Variants in MYO18A observed in about 807,000 individuals in gnomAD.
MYO18A encodes the protein myosin XVIIIA, also known as unconventional myosin-XVIIIa.
MYO18A carries 78 observed loss-of-function variants against 235.8 expected under a neutral mutation model. The observed-to-expected ratio is 0.33, with a 90% CI of 0.28 to 0.40. MYO18A has a LOEUF of 0.40. Ranked by LOEUF, MYO18A falls within the 10% of genes least tolerant of loss-of-function variation. The pLI is 1.00. For synonymous variants in MYO18A, 977 were observed against 1,077.8 expected (o/e 0.91, Z 1.83); for missense variants, 2,215 against 2,699.3 (o/e 0.82, Z 3.98).
intron 18 of MYO18A, 27 bp downstream of exon 18, chr17:29,110,409 G>C (rs774121071): frequency 1.3e-6 from 2 of 1,554,216 alleles, no homozygotes; most frequent in Admixed American, 1.9e-5. Context: ...CCCCAGGCCT[G>C]CCTGCTGGGA....
intron 2 of MYO18A, chr17:29,137,094 G>C (rs1297291343): frequency 6.6e-6 from 1 of 152,174 alleles, no homozygotes; most frequent in Non-Finnish European, 1.5e-5. Context: ...TCTAGATAAG[G>C]AAATAAAGAA....
intron 1 of MYO18A, among the ~76,000 whole-genome samples, chr17:29,174,276 C>G (rs1340149632): frequency 6.6e-6 from 1 of 151,692 alleles, no homozygotes; most frequent in South Asian, 2.1e-4. Flanking sequence ...GAGGCCAAGG[C>G]GGGAGGACTG....
rs1490420047 is a variant in MYO18A, at chr17:29,071,212, A to G, written c.*3558T>C. 6.6e-6 allele frequency: 1 copy of G among 152,244 alleles called. No individual in the cohort carries two copies. The highest frequency in any genetic ancestry group is 2.4e-5 in the African/African-American group (1 of 41,448). 9.4% of individuals were successfully genotyped at this position (152,244 alleles called of 1,614,324 possible). On this transcript the variant is annotated 3_prime_UTR_variant, in exon 42 of 42. Coordinates refer to ENST00000527372, the MANE Select transcript of MYO18A (RefSeq NM_078471.4). ...GGGGCACTGGTTCCCGCCCATGCTT[A>G]TTCAGGAGTCAGAGCAATCCCGGGG... is the stretch of plus-strand genomic sequence containing the variant.
chr17:29,141,804 A>G (rs1415839746), intron 2 of MYO18A, among the ~76,000 whole-genome samples: 1 of 152,238 alleles, frequency 6.6e-6, no homozygotes, highest in East Asian at 1.9e-4. Context: ...GTGGCTACTT[A>G]GAACAATGGT....
At chr17:29,097,157 C>G in intron 27 of MYO18A, 66 bp downstream of exon 27, 1 of 1,584,264 alleles carries the variant, frequency 6.3e-7, no homozygotes, top group Non-Finnish European at 8.5e-7. Flanking sequence ...TTCACTGGAC[C>G]GACACAAGGC....
intron 41 of MYO18A, chr17:29,076,421 G>A (rs1438228126): frequency 6.6e-6 from 1 of 151,972 alleles, no homozygotes; most frequent in Non-Finnish European, 1.5e-5. Context: ...AGAAAGGTCG[G>A]TCTCTATCCC....
At chr17:29,161,910 C>G (rs2068182922) in intron 2 of MYO18A, among the ~76,000 whole-genome samples, 1 of 152,236 alleles carries the variant, frequency 6.6e-6, no homozygotes, top group Non-Finnish European at 1.5e-5. Context: ...AACACTTGGC[C>G]TTCAGCAAAC....
intron 37 of MYO18A, 150 bp from the exon 38 acceptor site, chr17:29,087,271 C>T: frequency 3.9e-6 from 3 of 759,924 alleles, no homozygotes; most frequent in Non-Finnish European, 6.4e-6. Flanking sequence ...CCCGAAGCTT[C>T]CCTTGCTTTT....
At chr17:29,103,826 G>A (rs565031377) in intron 20 of MYO18A, among the ~76,000 whole-genome samples, 162 bp from the exon 21 acceptor site, 19 of 152,384 alleles carry the variant, frequency 1.2e-4, no homozygotes, top group African/African-American at 4.1e-4. Flanking sequence ...GGACTCTGGG[G>A]ACATAGAGAT....
chr17:29,168,012 T>C (rs2068320541), intron 1 of MYO18A, among the ~76,000 whole-genome samples: 1 of 152,170 alleles, frequency 6.6e-6, no homozygotes, highest in South Asian at 2.1e-4. Context: ...GAAAATGGGA[T>C]ACAGAAAATT....
At chr17:29,099,325 T>C (rs117393173) in intron 22 of MYO18A, among the ~76,000 whole-genome samples, 1,941 of 152,364 alleles carry the variant, frequency 0.013, 14 homozygotes, top group Non-Finnish European at 0.02. Flanking sequence ...GGCTGTTTTA[T>C]GGACTTGCTA....
intron 1 of MYO18A, among the ~76,000 whole-genome samples, chr17:29,173,393 T>G (rs981063284): frequency 9.0e-6 from 1 of 110,790 alleles, no homozygotes; most frequent in African/African-American, 4.1e-5. Context: ...CGCCCGGCCC[T>G]TTTTTTTTTT....
At position 29,082,279 on chromosome 17, in the gene MYO18A, G is replaced by A. The variant is rs554600949; in HGVS notation, c.6020+37C>T. The A allele has an allele frequency of 1.9e-6, 3 of 1,612,554 alleles. No individual in the cohort carries two copies. The African/African-American group carries it at 4.0e-5, about 21-fold the overall frequency. Reference sequence around the variant, plus strand: ...TACTTGTCCATTCCTTGTGGCACAAGGTGGCTTTTCCTCCCAGCTCAAGGC... The same window carrying A: ...TACTTGTCCATTCCTTGTGGCACAAAGTGGCTTTTCCTCCCAGCTCAAGGC... On this transcript the variant is annotated intron_variant, in intron 41 of 41. Transcript: ENST00000527372.
Position 29,166,529 on chromosome 17 carries a change from G to A in MYO18A, c.412C>T (p.Arg138Cys). 6.2e-7 allele frequency: 1 copy of A among 1,613,664 alleles called. No homozygotes were observed. Among genetic ancestry groups the A allele is most frequent in the Non-Finnish European group, 8.5e-7 (1 of 1,179,876 alleles). Residue 138 changes from arginine to cysteine, a missense_variant, in exon 2 of 42, where the codon CGC becomes TGC. Transcript: ENST00000527372. Reference sequence around the variant, plus strand: ...CGGCTACGCTGGGAGAAGGAAAAGCGCTTGACAATCATCTGTGAGTTCTGC... The same window carrying A: ...CGGCTACGCTGGGAGAAGGAAAAGCACTTGACAATCATCTGTGAGTTCTGC... ...AKQNSQMIVK[R>C]FSFSQRSRDE...
intron 1 of MYO18A, among the ~76,000 whole-genome samples, chr17:29,179,151 C>T (rs2068594202): frequency 6.6e-6 from 1 of 152,184 alleles, no homozygotes; most frequent in Non-Finnish European, 1.5e-5. Context: ...CCCAGCCCTC[C>T]CCACACAAAT....
chr17:29,082,596 C>T (rs565574351), intron 40 of MYO18A, among the ~76,000 whole-genome samples, 158 bp from the exon 41 acceptor site: 3 of 152,140 alleles, frequency 2.0e-5, no homozygotes, highest in Admixed American at 6.5e-5. Context: ...TTAGACAGAG[C>T]ACACCATTCA....
chr17:29,135,096 CT>C (rs879638543), intron 2 of MYO18A, among the ~76,000 whole-genome samples: 420 of 143,976 alleles, frequency 2.9e-3, no homozygotes, highest in Middle Eastern at 7.2e-3. Flanking sequence ...ATAACTGGTT[CT>C]TTTTTTTTTT....
At chr17:29,145,275 C>T (rs2067823805) in intron 2 of MYO18A, among the ~76,000 whole-genome samples, 1 of 152,176 alleles carries the variant, frequency 6.6e-6, no homozygotes, top group Admixed American at 6.5e-5. Context: ...ACGGTGCACG[C>T]ACAATAAACG....
chr17:29,127,261 G>T lies in MYO18A; in HGVS notation c.1000-5008C>A, dbSNP rs561287238. Among the ~76,000 whole-genome samples, 7 of 152,266 alleles carry T rather than the reference G, an allele frequency of 4.6e-5. No individual in the cohort carries two copies. In the East Asian group the frequency reaches 1.3e-3, roughly 29 times the overall value. On this transcript the variant is annotated intron_variant, in intron 2 of 41. Transcript: ENST00000527372. ...TGCCCCTGTAGTGTGAATATTCATA[G>T]ATTTTGCTTTGGAAATATTAATGTT... is the stretch of plus-strand genomic sequence containing the variant.
Sources: allele counts gnomAD v4.1 joint callset (sites outside exome capture counted in the v4.1 genomes callset), GRCh38; gene constraint gnomAD v4.1.1; transcripts MANE v1.5; gene names NCBI Gene and HGNC (gene_info 2026-07-23, HGNC 2026-07-21).